The following GDAP1 variants were observed in gnomAD, a reference collection of about 807,000 sequenced individuals.
GDAP1 encodes ganglioside-induced differentiation-associated protein 1.
Under a neutral mutation model 40.1 loss-of-function variants are expected in GDAP1, and 34 were observed. The ratio of observed to expected loss-of-function variants is 0.85; its 90% CI spans 0.64 to 1.13. The LOEUF (loss-of-function observed/expected upper bound fraction) is 1.13. GDAP1 is among the 50% of genes most tolerant of loss of function. The pLI, the probability that GDAP1 is intolerant of heterozygous loss-of-function variation, is 0.00. For missense variants in GDAP1, 374 were observed against 433.7 expected (o/e 0.86, Z 1.22); for synonymous variants, 170 against 157.4 (o/e 1.08, Z -0.60).
chr8:74,448,307 T>C (rs1806257978), intron 2 of GDAP1, among the ~76,000 whole-genome samples: 1 of 152,114 alleles, frequency 6.6e-6, no homozygotes, highest in Admixed American at 6.6e-5. Flanking sequence ...TTTGCTCATG[T>C]TGTTGTGTGT....
chr8:74,360,697 G>T (rs751681581), intron 3 of GDAP1, among the ~76,000 whole-genome samples: 17 of 152,180 alleles, frequency 1.1e-4, no homozygotes, highest in Non-Finnish European at 2.4e-4. Flanking sequence ...CTTAATTGTT[G>T]TTTTCGTTAT....
downstream of GDAP1, among the ~76,000 whole-genome samples, chr8:74,369,316 T>C (rs1213192161): frequency 6.6e-6 from 1 of 152,234 alleles, no homozygotes; most frequent in African/African-American, 2.4e-5. Flanking sequence ...GACCTAAATG[T>C]TGGATTTAGC....
At chr8:74,441,691 A>C (rs916605156) in intron 2 of GDAP1, among the ~76,000 whole-genome samples, 1 of 152,196 alleles carries the variant, frequency 6.6e-6, no homozygotes, top group Non-Finnish European at 1.5e-5. Flanking sequence ...AATGATCCGT[A>C]ATATTACAGT....
At chr8:74,372,075 A>G (rs560880477) in intron 2 of GDAP1, among the ~76,000 whole-genome samples, 38 of 152,230 alleles carry the variant, frequency 2.5e-4, no homozygotes, top group African/African-American at 8.4e-4. Context: ...AGCTTCATCC[A>G]TGTCCCTACA....
chr8:74,422,286 TTTCTTTC>T, intron 2 of GDAP1, among the ~76,000 whole-genome samples: 1 of 17,482 alleles, frequency 5.7e-5, no homozygotes. Flanking sequence ...TCTTTTTTCT[TTTCTTTC>T]TTTCTTTCTT....
chr8:74,355,192 G>A (rs1354368189), intron 2 of GDAP1, among the ~76,000 whole-genome samples: 2 of 152,018 alleles, frequency 1.3e-5, no homozygotes, highest in Admixed American at 6.6e-5. Flanking sequence ...TTGGAAAGCA[G>A]TCATACAGAA....
intron 2 of GDAP1, among the ~76,000 whole-genome samples, chr8:74,411,007 C>T (rs1230151074): frequency 6.7e-6 from 1 of 149,750 alleles, no homozygotes; most frequent in Admixed American, 6.6e-5. Context: ...GGGGAGGTTT[C>T]CCTCTTGCTG....
intron 2 of GDAP1, among the ~76,000 whole-genome samples, chr8:74,422,340 T>TTC (rs1805880664): frequency 3.6e-5 from 2 of 55,892 alleles, no homozygotes; most frequent in African/African-American, 8.2e-5. Context: ...TTTCTTTCTT[T>TTC]CTTTCTTTCT....
intron 2 of GDAP1, among the ~76,000 whole-genome samples, chr8:74,470,559 C>T (rs970835571): frequency 1.1e-4 from 16 of 152,144 alleles, no homozygotes; most frequent in African/African-American, 3.6e-4. Context: ...CAGCTTCATC[C>T]ATGTCCCTAC....
intron 2 of GDAP1, among the ~76,000 whole-genome samples, chr8:74,446,533 C>T (rs1045510776): frequency 1.3e-5 from 2 of 152,044 alleles, no homozygotes; most frequent in Admixed American, 1.3e-4. Flanking sequence ...TACAAAGCCT[C>T]TGAAATTGAG....
intron 2 of GDAP1, among the ~76,000 whole-genome samples, chr8:74,439,643 T>G (rs1806137033): frequency 6.6e-6 from 1 of 151,978 alleles, no homozygotes; most frequent in Non-Finnish European, 1.5e-5. Flanking sequence ...TTGTTTTCAT[T>G]AATGCCATCT....
At position 74,413,607 on chromosome 8, in the gene GDAP1, T is replaced by C. The variant is rs76662448; in HGVS notation, c.165+62286T>C. Among the ~76,000 whole-genome samples, 1,149 of 149,874 alleles carry C rather than the reference T, an allele frequency of 7.7e-3. 129 individuals carry two copies. Among genetic ancestry groups the C allele is most frequent in the African/African-American group, 0.028 (1,101 of 39,238 alleles). Reference sequence around the variant, plus strand: ...TCTCTCCAGCATTCCTGTAGAGATTTTGGCAGCAGCAGAAACAAGGGCCTG... The same window carrying C: ...TCTCTCCAGCATTCCTGTAGAGATTCTGGCAGCAGCAGAAACAAGGGCCTG... On this transcript the variant is annotated intron_variant, in intron 2 of 2. Coordinates refer to the GDAP1 transcript ENST00000523640.
In GDAP1 at chr8:74,365,933, A is replaced by T. The variant is rs542978130; in HGVS notation, c.*1566A>T. ...CTGGGACATACCAATCCATGTATTC[A>T]TTAGAGCCATAGAAGTTATTATTCA... On this transcript the variant is annotated 3_prime_UTR_variant, in exon 6 of 6. Transcript: ENST00000220822. The T allele has an allele frequency of 2.2e-6, 1 of 453,632 alleles. No individual in the cohort carries two copies. The highest frequency in any genetic ancestry group is 1.6e-5 in the South Asian group (1 of 64,176). The allele number at this position is 453,632 out of a possible 1,614,324, so 28.1% of individuals were successfully genotyped here.
At chr8:74,439,913 G>A (rs1806142009) in intron 2 of GDAP1, among the ~76,000 whole-genome samples, 1 of 151,820 alleles carries the variant, frequency 6.6e-6, no homozygotes, top group Non-Finnish European at 1.5e-5. Context: ...TTTTGTAAGT[G>A]ACACTATTTT....
chr8:74,419,670 C>G (rs1586829015), intron 2 of GDAP1, among the ~76,000 whole-genome samples: 1 of 152,126 alleles, frequency 6.6e-6, no homozygotes, highest in South Asian at 2.1e-4. Flanking sequence ...AATTTAATGA[C>G]ATTATATTTA....
chr8:74,372,906 C>T (rs981729780), intron 2 of GDAP1, among the ~76,000 whole-genome samples: 1 of 152,118 alleles, frequency 6.6e-6, no homozygotes, highest in African/African-American at 2.4e-5. Flanking sequence ...TTAGGTCTAA[C>T]ATTTAAGTCT....
chr8:74,453,953 A>ATG (rs1806310533), intron 2 of GDAP1, among the ~76,000 whole-genome samples: 1 of 80,364 alleles, frequency 1.2e-5, no homozygotes, highest in African/African-American at 5.6e-5. Flanking sequence ...ACACACACAC[A>ATG]CACACACACA....
intron 2 of GDAP1, among the ~76,000 whole-genome samples, chr8:74,353,793 A>G (rs1406108695): frequency 6.6e-6 from 1 of 152,226 alleles, no homozygotes; most frequent in Admixed American, 6.5e-5. Context: ...ACTGCTATAA[A>G]TTAGTGTTTA....
intron 2 of GDAP1, among the ~76,000 whole-genome samples, chr8:74,441,301 C>A (rs983676991): frequency 5.3e-5 from 8 of 152,052 alleles, no homozygotes; most frequent in African/African-American, 1.9e-4. Flanking sequence ...TTTATGATAA[C>A]ACAGTTTTAT....
Sources: gnomAD v4.1 joint callset for allele counts (sites outside exome capture counted in the v4.1 genomes callset) on GRCh38, gnomAD v4.1.1 for gene constraint, MANE v1.5 for transcripts, NCBI Gene and HGNC (gene_info 2026-07-23, HGNC 2026-07-21) for gene names.